Variants in LSM2 observed in about 807,000 individuals in gnomAD.
LSM2 encodes the protein U6 snRNA-associated Sm-like protein LSm2.
Under a neutral mutation model 17.0 loss-of-function variants are expected in LSM2, and 12 were observed. That is an observed-to-expected ratio of 0.70 (90% CI 0.45 to 1.14). The LOEUF is 1.14. Among genes scored for constraint, LSM2 ranks in the 50% most tolerant of loss-of-function variants. The pLI is 0.00. For synonymous variants in LSM2, 42 were observed against 44.5 expected (o/e 0.94, Z 0.22); for missense variants, 62 against 111.8 (o/e 0.55, Z 2.01).
chr6:31,804,763 C>CTTTTT lies in LSM2; in HGVS notation c.71+1307_71+1311dup, dbSNP rs9279424. Among the ~76,000 whole-genome samples, 65 of 104,868 alleles carry CTTTTT rather than the reference C, an allele frequency of 6.2e-4. 1 individual carries two copies. The highest frequency in any genetic ancestry group is 2.0e-3 in the Admixed American group (19 of 9,378). 68.8% of individuals were successfully genotyped at this position (104,868 alleles called of 152,430 possible). Reference sequence around the variant, plus strand: ...CGGCCTATGGCCTGTTCTTTTTTTTCTTTTTTTTTTTTTTTTTTTTTGAGA... The same window carrying CTTTTT: ...CGGCCTATGGCCTGTTCTTTTTTTTCTTTTTTTTTTTTTTTTTTTTTTTTTTGAGA... On this transcript the variant is annotated intron_variant, in intron 2 of 4. Transcript: ENST00000375661.
chr6:31,806,631 C>G (rs998373127), intron 1 of LSM2, 124 bp downstream of exon 1: 9 of 1,243,830 alleles, frequency 7.2e-6, no homozygotes, highest in Admixed American at 2.0e-5. Flanking sequence ...AGAAACAGTA[C>G]AGTACTAAAG....
In LSM2 at chr6:31,797,760, CTG is replaced by C. The variant is rs756367500; in HGVS notation, c.283_284del (p.Gln95ValfsTer46). 1.2e-6 allele frequency: 2 copies of C among 1,612,802 alleles called. No individual in the cohort carries two copies. Among genetic ancestry groups the C allele is most frequent in the South Asian group, 1.1e-5 (1 of 91,072 alleles). ...AGGGGAAGAGGAGGAGGAGCCATCACTGTTTCTGCTGCAGGGCTTCCTTCCTT... is the reference window on the plus strand; with the variant it reads ...AGGGGAAGAGGAGGAGGAGCCATCACTTTCTGCTGCAGGGCTTCCTTCCTT... ...AARKEALQQK[Q>X] On this transcript the variant is annotated frameshift_variant, in exon 5 of 5. Coordinates refer to ENST00000375661, the MANE Select transcript of LSM2 (RefSeq NM_021177.5). LOFTEE classifies it high-confidence loss of function.
intron 3 of LSM2, 145 bp from the exon 4 acceptor site, chr6:31,798,194 G>T: frequency 1.2e-6 from 1 of 866,752 alleles, no homozygotes. Context: ...TGATTTTCCT[G>T]CCTCAGCCTC....
At chr6:31,803,330 AC>A (rs1814825167) in intron 2 of LSM2, among the ~76,000 whole-genome samples, 1 of 152,156 alleles carries the variant, frequency 6.6e-6, no homozygotes, top group African/African-American at 2.4e-5. Flanking sequence ...AGAGTTTCAG[AC>A]TAGCCTCGGC....
At chr6:31,799,987 T>G (rs867851180) in intron 2 of LSM2, among the ~76,000 whole-genome samples, 1 of 152,094 alleles carries the variant, frequency 6.6e-6, no homozygotes, top group Non-Finnish European at 1.5e-5. Flanking sequence ...TGAAGCCAGC[T>G]GGAGAACAGC....
chr6:31,804,101 G>A (rs1430926684), intron 2 of LSM2, among the ~76,000 whole-genome samples: 2 of 152,072 alleles, frequency 1.3e-5, no homozygotes, highest in East Asian at 1.9e-4. Context: ...AGTGGCTCAC[G>A]CCTGTAATCC....
intron 3 of LSM2, 150 bp downstream of exon 3, chr6:31,798,327 C>A: frequency 1.1e-6 from 1 of 906,814 alleles, no homozygotes; most frequent in Non-Finnish European, 1.7e-6. Context: ...AGGCCTCGGC[C>A]TCTCAAAGTG....
Position 31,797,630 on chromosome 6 carries a change from A to G in LSM2, c.*127T>C. ...CTCTCATCCACTCATCCCTTAAAAA[A>G]AACCCACAAAACCATCATTAGTAAA... On this transcript the variant is annotated 3_prime_UTR_variant, in exon 5 of 5. Transcript: ENST00000375661. The G allele has an allele frequency of 2.8e-6, 4 of 1,413,080 alleles. No individual in the cohort carries two copies. The South Asian group carries it at 5.2e-5, about 19-fold the overall frequency. 87.5% of individuals were successfully genotyped at this position (1,413,080 alleles called of 1,614,324 possible).
chr6:31,801,116 A>G lies in LSM2; in HGVS notation c.72-2609T>C, dbSNP rs140543031. Reference sequence around the variant, plus strand: ...AACACAGGAGGTAGAGGTTGCAGTGAGCCAAGATCATGCCACTGCATTCCA... The same window carrying G: ...AACACAGGAGGTAGAGGTTGCAGTGGGCCAAGATCATGCCACTGCATTCCA... On this transcript the variant is annotated intron_variant, in intron 2 of 4. Transcript: ENST00000375661. Among the ~76,000 whole-genome samples, 370 of 148,214 alleles carry G rather than the reference A, an allele frequency of 2.5e-3. 1 individual carries two copies. The highest frequency in any genetic ancestry group is 4.4e-3 in the African/African-American group (175 of 39,952).
chr6:31,799,880 G>T (rs1324814345), intron 2 of LSM2, among the ~76,000 whole-genome samples: 2 of 151,546 alleles, frequency 1.3e-5, no homozygotes, highest in African/African-American at 4.8e-5. Context: ...CTCTTTGAGA[G>T]AATGGTGCAA....
In LSM2 at chr6:31,797,403, C is replaced by A; in HGVS notation, c.*354G>T. 1 of 231,300 alleles carries A rather than the reference C, an allele frequency of 4.3e-6. No homozygotes were observed. Among genetic ancestry groups the A allele is most frequent in the Non-Finnish European group, 8.5e-6 (1 of 117,422 alleles). 14.3% of individuals were successfully genotyped at this position (231,300 alleles called of 1,614,324 possible). On this transcript the variant is annotated 3_prime_UTR_variant, in exon 5 of 5. Transcript: ENST00000375661. ...ACAGAACCAAAACACAAATTTGCAT[C>A]ATAAATTTTATTCCCGATGCGGGAC... is the stretch of plus-strand genomic sequence containing the variant.
In LSM2 at chr6:31,798,487, G is replaced by A. The variant is rs1459543195; in HGVS notation, c.92C>T (p.Ser31Phe). 5 of 1,612,834 alleles carry A rather than the reference G, an allele frequency of 3.1e-6. No individual in the cohort carries two copies. The highest frequency in any genetic ancestry group is 3.4e-6 in the Non-Finnish European group (4 of 1,180,018). Residue 31 changes from serine to phenylalanine, a missense_variant, in exon 3 of 5, where the codon TCT becomes TTT. Coordinates refer to ENST00000375661, the MANE Select transcript of LSM2 (RefSeq NM_021177.5). ...NDLSICGTLH[S>F]VDQYLNIKLT... is the part of the protein sequence containing the mutation. ...CGTGCTATATCTCACCTGATCCACA[G>A]AATGGAGGGTTCCACAGATGCTGTC...
At chr6:31,806,192 G>A (rs768179843) in intron 1 of LSM2, 50 bp from the exon 2 acceptor site, 8 of 1,556,808 alleles carry the variant, frequency 5.1e-6, no homozygotes, top group Admixed American at 1.7e-5. Context: ...GCATGGTAGG[G>A]AGGAGTGTCC....
intron 3 of LSM2, 32 bp from the exon 4 acceptor site, chr6:31,798,081 ATTATTTT>A (rs1814487098): frequency 6.9e-7 from 1 of 1,446,852 alleles, no homozygotes; most frequent in African/African-American, 1.6e-5. Flanking sequence ...CATTATTATT[ATTATTTT>A]TTTTTTTTTG....
chr6:31,801,150 G>A (rs1447339424), intron 2 of LSM2, among the ~76,000 whole-genome samples: 2 of 122,600 alleles, frequency 1.6e-5, no homozygotes, highest in Admixed American at 9.8e-5. Context: ...CAGCCTCGGT[G>A]ACAGAGTAAG....
At chr6:31,805,647 G>A (rs1814990553) in intron 2 of LSM2, among the ~76,000 whole-genome samples, 1 of 152,150 alleles carries the variant, frequency 6.6e-6, no homozygotes, top group Admixed American at 6.5e-5. Context: ...ACAGGCATGA[G>A]CCACACGTCC....
At chr6:31,803,294 C>A (rs1393067383) in intron 2 of LSM2, among the ~76,000 whole-genome samples, 1 of 152,088 alleles carries the variant, frequency 6.6e-6, no homozygotes, top group African/African-American at 2.4e-5. Context: ...TTTGGGAGGC[C>A]AAGGTGGCAG....
chr6:31,800,662 T>C (rs970620572), intron 2 of LSM2, among the ~76,000 whole-genome samples: 1 of 150,950 alleles, frequency 6.6e-6, no homozygotes, highest in Non-Finnish European at 1.5e-5. Flanking sequence ...CCGAGGCGGG[T>C]GGATCACGAG....
At chr6:31,804,762 T>C (rs1814908448) in intron 2 of LSM2, among the ~76,000 whole-genome samples, 1 of 136,222 alleles carries the variant, frequency 7.3e-6, no homozygotes, top group African/African-American at 2.8e-5. Flanking sequence ...TTCTTTTTTT[T>C]CTTTTTTTTT....
Sources: gnomAD v4.1 joint callset for allele counts (sites outside exome capture counted in the v4.1 genomes callset) on GRCh38, gnomAD v4.1.1 for gene constraint, MANE v1.5 for transcripts, NCBI Gene and HGNC (gene_info 2026-07-23, HGNC 2026-07-21) for gene names.